Variants in HFM1 observed in about 807,000 individuals in gnomAD.
The protein encoded by HFM1 is helicase for meiosis 1, also known as probable ATP-dependent DNA helicase HFM1.
Under a neutral mutation model 192.1 loss-of-function variants are expected in HFM1, and 169 were observed. The ratio of observed to expected loss-of-function variants is 0.88; its 90% CI spans 0.78 to 1.00. The LOEUF is 1.00. Among genes scored for constraint, HFM1 ranks in the 50% least tolerant of loss-of-function variants. The pLI is 0.00. For missense variants in HFM1, 1,661 were observed against 1,668.0 expected (o/e 1.00, Z 0.07); for synonymous variants, 525 against 537.8 (o/e 0.98, Z 0.33).
chr1:91,378,182 A>G lies in HFM1; in HGVS notation c.1238T>C (p.Val413Ala). The G allele has an allele frequency of 6.3e-7, 1 of 1,575,616 alleles. No individual in the cohort carries two copies. The highest frequency in any genetic ancestry group is 1.9e-5 in the Admixed American group (1 of 51,664). ...QLVRLFLIDEVHIVKDENRGP... is the reference protein window; with the variant it reads ...QLVRLFLIDEAHIVKDENRGP... ...ACGATTTTCATCTTTTACAATATGT[A>G]CCTAAGCAGGAAATCAAGAAAAAAT... The change falls in exon 11 of 39, where the codon GTA (valine) becomes GCA (alanine). Residue 413 changes from valine to alanine, a missense_variant and splice_region_variant. Coordinates refer to ENST00000370425, the MANE Select transcript of HFM1 (RefSeq NM_001017975.6).
chr1:91,375,090 T>A (rs1660744296), intron 13 of HFM1, among the ~76,000 whole-genome samples: 2 of 152,084 alleles, frequency 1.3e-5, no homozygotes, highest in Non-Finnish European at 2.9e-5. Flanking sequence ...AGATCAGCTT[T>A]AGTGAAAGAC....
chr1:91,286,458 C>G (rs1395222313), intron 30 of HFM1, among the ~76,000 whole-genome samples: 1 of 152,114 alleles, frequency 6.6e-6, no homozygotes, highest in Non-Finnish European at 1.5e-5. Context: ...TAATCTCTGC[C>G]TCTGTCTTTG....
chr1:91,383,496 A>T (rs1661800147), intron 6 of HFM1, among the ~76,000 whole-genome samples: 1 of 152,150 alleles, frequency 6.6e-6, no homozygotes, highest in African/African-American at 2.4e-5. Context: ...CCTCATTTTT[A>T]ATCAAATCAG....
intron 1 of HFM1, 104 bp from the exon 2 acceptor site, chr1:91,401,213 C>CCG: frequency 1.7e-6 from 1 of 589,452 alleles, no homozygotes; most frequent in South Asian, 2.2e-5. Flanking sequence ...AATATAACCA[C>CCG]AGACTATCCT....
rs181726894 is a variant in HFM1 at position 91,295,389 on chromosome 1, C to G, written c.3391+17960G>C. Among the ~76,000 whole-genome samples the G allele has an allele frequency of 1.6e-3, 248 of 152,226 alleles. 1 individual carries two copies. Among genetic ancestry groups the G allele is most frequent in the Non-Finnish European group, 2.3e-3 (159 of 68,014 alleles). Reference sequence around the variant, plus strand: ...CAAGGTGTTGGTAGGGTTGGTATCTCCTGAGGTTCCTCTCCTTGGCTTGTG... The same window carrying G: ...CAAGGTGTTGGTAGGGTTGGTATCTGCTGAGGTTCCTCTCCTTGGCTTGTG... On this transcript the variant is annotated intron_variant, in intron 30 of 38. Coordinates refer to ENST00000370425, the MANE Select transcript of HFM1 (RefSeq NM_001017975.6).
At chr1:91,335,724 G>A (rs1654470366) in intron 20 of HFM1, among the ~76,000 whole-genome samples, 1 of 151,986 alleles carries the variant, frequency 6.6e-6, no homozygotes, top group Non-Finnish European at 1.5e-5. Flanking sequence ...GTGGTAGGGA[G>A]CATGGAGGAC....
At chr1:91,369,376 G>C (rs1314307676) in intron 13 of HFM1, among the ~76,000 whole-genome samples, 2 of 152,074 alleles carry the variant, frequency 1.3e-5, no homozygotes, top group African/African-American at 4.8e-5. Flanking sequence ...AAATGTAAAA[G>C]AACAGAAATT....
chr1:91,403,801 A>C (rs1043589184), intron 1 of HFM1, among the ~76,000 whole-genome samples: 3 of 152,216 alleles, frequency 2.0e-5, no homozygotes, highest in African/African-American at 7.2e-5. Flanking sequence ...TTAAATATTA[A>C]TACAACTAGA....
intron 30 of HFM1, among the ~76,000 whole-genome samples, chr1:91,296,309 T>A (rs1443615307): frequency 6.6e-6 from 1 of 152,196 alleles, no homozygotes; most frequent in Non-Finnish European, 1.5e-5. Flanking sequence ...GCACTTCACC[T>A]TTGTCAGAAA....
rs541548125 is a variant in HFM1 at position 91,355,175 on chromosome 1, G to A, written c.1686-1876C>T. Among the ~76,000 whole-genome samples, 4 of 152,094 alleles carry A rather than the reference G, an allele frequency of 2.6e-5. No homozygotes were observed. In the East Asian group the frequency reaches 5.8e-4, roughly 22 times the overall value. ...CTATTATAACTCTAAGATATTTTAC[G>A]TAAGCCTTGTGGTAACTGCAAAGCA... On this transcript the variant is annotated intron_variant, in intron 13 of 38. Transcript: ENST00000370425.
At chr1:91,271,690 T>A (rs1049975875) in intron 34 of HFM1, among the ~76,000 whole-genome samples, 3 of 151,678 alleles carry the variant, frequency 2.0e-5, no homozygotes, top group Admixed American at 2.0e-4. Context: ...GACAAATAGA[T>A]GGTTACAGAT....
chr1:91,293,048 T>G (rs1490649264), intron 30 of HFM1, among the ~76,000 whole-genome samples: 4 of 152,074 alleles, frequency 2.6e-5, no homozygotes, highest in African/African-American at 9.7e-5. Flanking sequence ...ATACAAAAAT[T>G]AATTCAAGAT....
intron 6 of HFM1, among the ~76,000 whole-genome samples, chr1:91,382,751 T>G (rs1294738965): frequency 6.6e-6 from 1 of 151,952 alleles, no homozygotes; most frequent in African/African-American, 2.4e-5. Context: ...GAATCTTTGA[T>G]TCAGAGTATA....
intron 4 of HFM1, 135 bp downstream of exon 4, chr1:91,393,958 A>G: frequency 1.1e-5 from 6 of 531,484 alleles, no homozygotes; most frequent in Middle Eastern, 4.9e-4. Flanking sequence ...CCAGGAATGG[A>G]GAAAGTAAGG....
chr1:91,262,720 T>C (rs908372982), intron 36 of HFM1, 128 bp from the exon 37 acceptor site: 3 of 593,320 alleles, frequency 5.1e-6, no homozygotes, highest in Admixed American at 6.4e-5. Flanking sequence ...TAATGCATTG[T>C]TTCTAATATT....
intron 13 of HFM1, among the ~76,000 whole-genome samples, chr1:91,374,059 A>G (rs774981611): frequency 2.0e-4 from 30 of 152,322 alleles, no homozygotes; most frequent in East Asian, 5.8e-4. Context: ...GCTATGGAAA[A>G]CTGATATTAA....
chr1:91,321,855 G>A (rs1416247712), intron 23 of HFM1, among the ~76,000 whole-genome samples: 1 of 152,176 alleles, frequency 6.6e-6, no homozygotes, highest in Non-Finnish European at 1.5e-5. Context: ...AGCACTGAAA[G>A]TGCAAATAAA....
chr1:91,353,782 C>G (rs1043812207), intron 13 of HFM1, among the ~76,000 whole-genome samples: 1 of 150,810 alleles, frequency 6.6e-6, no homozygotes, highest in Non-Finnish European at 1.5e-5. Context: ...TCATCTTCCC[C>G]ACAAAAAAGA....
intron 13 of HFM1, among the ~76,000 whole-genome samples, chr1:91,370,683 G>T (rs1165786026): frequency 6.6e-6 from 1 of 152,126 alleles, no homozygotes; most frequent in African/African-American, 2.4e-5. Flanking sequence ...ACTGGCACAA[G>T]ATAGGGATGC....
Sources: gnomAD v4.1 joint callset for allele counts (sites outside exome capture counted in the v4.1 genomes callset) on GRCh38, gnomAD v4.1.1 for gene constraint, MANE v1.5 for transcripts, NCBI Gene and HGNC (gene_info 2026-07-23, HGNC 2026-07-21) for gene names.